The following BRDT variants were observed in gnomAD, a reference collection of about 807,000 sequenced individuals.
BRDT encodes the protein bromodomain testis associated.
In BRDT, 77 loss-of-function variants were observed where a neutral mutation model predicts 113.9. That is an observed-to-expected ratio of 0.68 (90% CI 0.56 to 0.82). The LOEUF (loss-of-function observed/expected upper bound fraction) is 0.82. Among genes scored for constraint, BRDT ranks in the 40% least tolerant of loss-of-function variants. The probability of loss-of-function intolerance (pLI) is 0.00; values close to 1 mark genes in which losing one functional copy is unlikely to be tolerated. For missense variants in BRDT, 1,027 were observed against 1,105.4 expected (o/e 0.93, Z 1.01); for synonymous variants, 358 against 366.5 (o/e 0.98, Z 0.26).
intron 1 of BRDT, among the ~76,000 whole-genome samples, chr1:91,957,960 C>T (rs1388187676): frequency 1.3e-5 from 2 of 152,100 alleles, no homozygotes; most frequent in African/African-American, 2.4e-5. Flanking sequence ...GTGCCTCAGC[C>T]TCCAAGCAGC....
rs181635543 is a variant in BRDT at position 91,991,235 on chromosome 1, A to G, written c.2054A>G (p.Glu685Gly). 7.1e-5 allele frequency: 109 copies of G among 1,544,576 alleles called. No individual in the cohort carries two copies. The East Asian group carries it at 2.5e-3, about 35-fold the overall frequency. The part of the protein sequence containing the change: ...EVKPNDSPSK[E>G]NVKKMKNECI... ...AAACCAAATGATTCTCCTTCTAAAG[A>G]GAATGTAAAGGTAAGTGAATTCTTT... Residue 685 changes from glutamate (E) to glycine (G), a missense_variant, in exon 13 of 19, where the codon GAG becomes GGG. Transcript: ENST00000399546.
At chr1:91,975,701 G>C (rs1048030023) in intron 4 of BRDT, among the ~76,000 whole-genome samples, 3 of 152,170 alleles carry the variant, frequency 2.0e-5, no homozygotes, top group Non-Finnish European at 4.4e-5. Context: ...ATGGAAGGTT[G>C]AACTTTTGAA....
At chr1:91,990,602 T>C (rs1034416646) in intron 12 of BRDT, among the ~76,000 whole-genome samples, 1 of 152,216 alleles carries the variant, frequency 6.6e-6, no homozygotes, top group Non-Finnish European at 1.5e-5. Context: ...TTATGTAACA[T>C]ACTGCGCTTT....
At chr1:92,011,960 C>T (rs1326239043) in intron 18 of BRDT, among the ~76,000 whole-genome samples, 1 of 152,134 alleles carries the variant, frequency 6.6e-6, no homozygotes, top group African/African-American at 2.4e-5. Flanking sequence ...TTTAGGACCA[C>T]ACAGTAAGGA....
At chr1:92,011,740 A>T (rs1010895778) in intron 18 of BRDT, among the ~76,000 whole-genome samples, 5 of 152,178 alleles carry the variant, frequency 3.3e-5, no homozygotes, top group African/African-American at 1.2e-4. Flanking sequence ...CTGACTAATG[A>T]TGTTACATCT....
intron 15 of BRDT, among the ~76,000 whole-genome samples, chr1:91,995,939 T>A (rs1000829859): frequency 6.6e-6 from 1 of 152,150 alleles, no homozygotes; most frequent in Non-Finnish European, 1.5e-5. Context: ...TAATTAAAGT[T>A]ATATCTCTTC....
At chr1:91,958,508 G>A (rs929374922) in intron 1 of BRDT, among the ~76,000 whole-genome samples, 1 of 152,128 alleles carries the variant, frequency 6.6e-6, no homozygotes, top group Admixed American at 6.6e-5. Context: ...GAGCCACCAC[G>A]CCCAGCCGAT....
intron 3 of BRDT, 55 bp from the exon 4 acceptor site, chr1:91,968,091 T>C (rs1683250709): frequency 1.3e-6 from 2 of 1,571,258 alleles, no homozygotes; most frequent in East Asian, 4.5e-5. Context: ...ATTTAAAACA[T>C]TTGGTACAGT....
intron 1 of BRDT, among the ~76,000 whole-genome samples, chr1:91,956,939 C>CA (rs1378172242): frequency 6.6e-6 from 1 of 151,872 alleles, no homozygotes. Flanking sequence ...ACCCTGTCTC[C>CA]AAAAAATTTT....
chr1:91,968,273 G>A lies in BRDT; in HGVS notation c.445+13G>A. ...AGAATCAAGAAAGGTAAGGCAGGAG[G>A]TAAACACTTTATGGTTCTCTCTCTT... On this transcript the variant is annotated intron_variant, in intron 4 of 18. Transcript: ENST00000399546. 1 of 1,612,872 alleles carries A rather than the reference G, an allele frequency of 6.2e-7. No homozygotes were observed. The highest frequency in any genetic ancestry group is 8.5e-7 in the Non-Finnish European group (1 of 1,179,392).
intron 17 of BRDT, 22 bp from the exon 18 acceptor site, chr1:92,005,097 A>T: frequency 6.9e-7 from 1 of 1,440,352 alleles, no homozygotes; most frequent in Non-Finnish European, 9.1e-7. Flanking sequence ...ACCTACTTTG[A>T]GCTATACTTT....
intron 3 of BRDT, among the ~76,000 whole-genome samples, chr1:91,967,035 C>T (rs1302910380): frequency 6.6e-6 from 1 of 152,112 alleles, no homozygotes; most frequent in East Asian, 1.9e-4. Flanking sequence ...CGCCACTGTA[C>T]TCCAGCCTGG....
intron 8 of BRDT, among the ~76,000 whole-genome samples, chr1:91,980,009 G>A (rs1283093662): frequency 2.0e-5 from 3 of 152,232 alleles, no homozygotes; most frequent in Non-Finnish European, 4.4e-5. Flanking sequence ...AATGATTTAT[G>A]AAATAGAGAT....
intron 12 of BRDT, among the ~76,000 whole-genome samples, chr1:91,987,033 G>A (rs1685316121): frequency 6.6e-6 from 1 of 151,722 alleles, no homozygotes; most frequent in Non-Finnish European, 1.5e-5. Flanking sequence ...TGCCTCCTAG[G>A]TTCAGGCCTT....
chr1:91,982,643 AGTGTG>A (rs1390528387), intron 12 of BRDT, among the ~76,000 whole-genome samples: 1 of 152,096 alleles, frequency 6.6e-6, no homozygotes, highest in East Asian at 1.9e-4. Context: ...TCTTTTTTTC[AGTGTG>A]GTAGTATGGT....
At chr1:91,975,648 C>A (rs878960328) in intron 4 of BRDT, among the ~76,000 whole-genome samples, 3 of 152,156 alleles carry the variant, frequency 2.0e-5, no homozygotes, top group Admixed American at 2.0e-4. Context: ...AAGATGACTT[C>A]AAGGTTTTTG....
chr1:91,978,080 T>C, intron 6 of BRDT, 88 bp from the exon 7 acceptor site: 1 of 1,241,202 alleles, frequency 8.1e-7, no homozygotes, highest in Non-Finnish European at 1.1e-6. Flanking sequence ...ATATTTGAAT[T>C]ATTTTGTAAT....
intron 4 of BRDT, among the ~76,000 whole-genome samples, chr1:91,969,664 T>G (rs767057449): frequency 1.6e-4 from 24 of 152,080 alleles, no homozygotes; most frequent in Non-Finnish European, 2.2e-4. Context: ...AATTATTATT[T>G]TTTCCATTTA....
chr1:91,979,181 T>C (rs1684477343), intron 7 of BRDT, among the ~76,000 whole-genome samples: 1 of 150,104 alleles, frequency 6.7e-6, no homozygotes, highest in African/African-American at 2.4e-5. Context: ...TGGCGCAATC[T>C]TGGCTCACTG....
Sources: gnomAD v4.1 joint callset for allele counts (sites outside exome capture counted in the v4.1 genomes callset) on GRCh38, gnomAD v4.1.1 for gene constraint, MANE v1.5 for transcripts, NCBI Gene and HGNC (gene_info 2026-07-23, HGNC 2026-07-21) for gene names.